ZNF438: variants seen among roughly 807,000 people sequenced by gnomAD.
The protein encoded by ZNF438 is zinc finger protein 438.
Under a neutral mutation model 38.0 loss-of-function variants are expected in ZNF438, and 25 were observed. The observed-to-expected ratio is 0.66, with a 90% CI of 0.48 to 0.92. ZNF438 has a LOEUF of 0.92. Among genes scored for constraint, ZNF438 ranks in the 40% least tolerant of loss-of-function variants. The pLI is 0.00. For missense variants in ZNF438, 1,007 were observed against 999.6 expected (o/e 1.01, Z -0.10); for synonymous variants, 372 against 364.1 (o/e 1.02, Z -0.25).
intron 2 of ZNF438, among the ~76,000 whole-genome samples, chr10:30,934,034 T>C (rs939929010): frequency 2.0e-5 from 3 of 151,644 alleles, no homozygotes; most frequent in Non-Finnish European, 4.4e-5. Context: ...TAGTCCCAGC[T>C]ACTCGGGAGG....
At chr10:30,969,121 G>C (rs1471073605) in intron 1 of ZNF438, among the ~76,000 whole-genome samples, 2 of 151,592 alleles carry the variant, frequency 1.3e-5, no homozygotes, top group African/African-American at 2.4e-5. Context: ...ATAACTTCAG[G>C]CTAGAGATGG....
At chr10:30,858,805 CT>C (rs1457108723) in intron 4 of ZNF438, among the ~76,000 whole-genome samples, 2 of 152,124 alleles carry the variant, frequency 1.3e-5, no homozygotes, top group Non-Finnish European at 2.9e-5. Context: ...TTGCTCTTAG[CT>C]AACTCCCCTC....
intron 4 of ZNF438, among the ~76,000 whole-genome samples, chr10:30,872,412 C>G (rs1464669925): frequency 4.0e-5 from 3 of 74,350 alleles, no homozygotes; most frequent in Non-Finnish European, 5.3e-5. Flanking sequence ...GGTGACAGAA[C>G]AAGACTCTGT....
intron 2 of ZNF438, among the ~76,000 whole-genome samples, chr10:30,932,332 T>C (rs191795997): frequency 2.0e-5 from 3 of 152,360 alleles, no homozygotes; most frequent in Admixed American, 1.3e-4. Flanking sequence ...TCTTAAATAA[T>C]AGTTTTTGGC....
At chr10:30,861,037 A>G (rs764603343) in intron 4 of ZNF438, among the ~76,000 whole-genome samples, 1 of 152,210 alleles carries the variant, frequency 6.6e-6, no homozygotes, top group African/African-American at 2.4e-5. Flanking sequence ...AAGAGGAACT[A>G]TAGCCCCTAA....
intron 3 of ZNF438, among the ~76,000 whole-genome samples, chr10:30,902,115 T>C (rs1328083157): frequency 1.1e-4 from 16 of 152,084 alleles, no homozygotes; most frequent in African/African-American, 3.6e-4. Flanking sequence ...GCTTCCACAG[T>C]GTGGAAGACT....
At chr10:30,866,705 G>T (rs975332029) in intron 4 of ZNF438, among the ~76,000 whole-genome samples, 7 of 152,074 alleles carry the variant, frequency 4.6e-5, no homozygotes, top group African/African-American at 1.7e-4. Context: ...GTGGTGACAG[G>T]CACCTGTAGT....
At chr10:30,861,953 T>A (rs1180582125) in intron 4 of ZNF438, among the ~76,000 whole-genome samples, 6 of 152,136 alleles carry the variant, frequency 3.9e-5, no homozygotes, top group African/African-American at 1.4e-4. Context: ...GCCAGGCAAA[T>A]GGAAACTTCT....
chr10:30,854,392 C>T (rs950693010), intron 4 of ZNF438, among the ~76,000 whole-genome samples: 3 of 152,140 alleles, frequency 2.0e-5, no homozygotes, highest in Admixed American at 1.3e-4. Flanking sequence ...GGGAGTTGGT[C>T]TGTGTCTTCA....
At chr10:31,005,302 C>T (rs1249779635) in intron 1 of ZNF438, among the ~76,000 whole-genome samples, 2 of 152,024 alleles carry the variant, frequency 1.3e-5, no homozygotes, top group Non-Finnish European at 2.9e-5. Flanking sequence ...TGTACATGCA[C>T]GTACGTAAAT....
intron 1 of ZNF438, among the ~76,000 whole-genome samples, chr10:30,942,010 G>A (rs2046864022): frequency 6.6e-6 from 1 of 152,192 alleles, no homozygotes; most frequent in Admixed American, 6.6e-5. Flanking sequence ...AATTGAATAA[G>A]AGACAGTTTT....
chr10:30,981,232 CAGAGTA>C (rs2052094480), intron 1 of ZNF438, among the ~76,000 whole-genome samples: 1 of 152,142 alleles, frequency 6.6e-6, no homozygotes, highest in African/African-American at 2.4e-5. Flanking sequence ...CAGAATGAGC[CAGAGTA>C]AAGCTAGACA....
intron 1 of ZNF438, among the ~76,000 whole-genome samples, chr10:30,978,040 T>A (rs748371033): frequency 6.6e-6 from 1 of 151,600 alleles, no homozygotes; most frequent in Non-Finnish European, 1.5e-5. Flanking sequence ...TCTAACCAGT[T>A]TTTCTAGTTA....
At chr10:30,935,688 T>C (rs1041556653) in intron 2 of ZNF438, among the ~76,000 whole-genome samples, 1 of 152,166 alleles carries the variant, frequency 6.6e-6, no homozygotes, top group African/African-American at 2.4e-5. Flanking sequence ...AAAGGTTGAA[T>C]TGATTCACAG....
At chr10:30,937,926 T>C (rs1028774120) in intron 2 of ZNF438, among the ~76,000 whole-genome samples, 1 of 152,220 alleles carries the variant, frequency 6.6e-6, no homozygotes, top group African/African-American at 2.4e-5. Flanking sequence ...AGGGCATTCA[T>C]GGTTCTCCTA....
At position 30,941,079 on chromosome 10, in the gene ZNF438, T is replaced by C. The variant is rs530190797; in HGVS notation, c.-115+496A>G. ...CTGAACATTTTATTTTATTTTATTT[T>C]ATTTTATTTTGACATGGAGTCTCGT... is the stretch of plus-strand genomic sequence containing the variant. On this transcript the variant is annotated intron_variant, in intron 2 of 5. Coordinates refer to ENST00000413025, the Ensembl canonical transcript of ZNF438. Among the ~76,000 whole-genome samples the C allele has an allele frequency of 4.1e-3, 618 of 152,226 alleles. 7 individuals are homozygous for C. The highest frequency in any genetic ancestry group is 0.014 in the African/African-American group (580 of 41,536).
At chr10:30,870,627 A>C (rs902284146) in intron 4 of ZNF438, among the ~76,000 whole-genome samples, 4 of 152,192 alleles carry the variant, frequency 2.6e-5, no homozygotes, top group African/African-American at 7.2e-5. Context: ...ATGTTAAAAA[A>C]TTAACCCTGT....
rs539008562 is a variant in ZNF438, at chr10:30,961,877, G to C, written c.-191-20226C>G. Among the ~76,000 whole-genome samples the C allele has an allele frequency of 7.1e-3, 911 of 127,772 alleles. 28 individuals carry two copies. Among genetic ancestry groups the C allele is most frequent in the African/African-American group, 0.022 (842 of 37,546 alleles). 83.8% of individuals were successfully genotyped at this position (127,772 alleles called of 152,430 possible). ...CTCTCCAGCCTGGGTGACAGAGTGA[G>C]ACTCCATCCCAAAAGAAAAAAAAAA... On this transcript the variant is annotated intron_variant, in intron 1 of 5. Transcript: ENST00000413025.
intron 3 of ZNF438, among the ~76,000 whole-genome samples, chr10:30,899,494 A>G (rs972469610): frequency 6.6e-6 from 1 of 152,176 alleles, no homozygotes; most frequent in Non-Finnish European, 1.5e-5. Context: ...TAAAGAAATA[A>G]CCACAAGTAA....
Sources: gnomAD v4.1 joint callset for allele counts (sites outside exome capture counted in the v4.1 genomes callset) on GRCh38, gnomAD v4.1.1 for gene constraint, MANE v1.5 for transcripts, NCBI Gene and HGNC (gene_info 2026-07-23, HGNC 2026-07-21) for gene names.